Variants in KIFAP3 observed in about 807,000 individuals in gnomAD.
KIFAP3 encodes kinesin associated protein 3, also known as kinesin-associated protein 3.
In KIFAP3, 68 loss-of-function variants were observed where a neutral mutation model predicts 106.5. The ratio of observed to expected loss-of-function variants is 0.64; its 90% CI spans 0.53 to 0.78. The LOEUF (loss-of-function observed/expected upper bound fraction) is 0.78, where lower values mean the gene tolerates loss of function less well. Among genes scored for constraint, KIFAP3 ranks in the 30% least tolerant of loss-of-function variants. The pLI is 0.00. For synonymous variants in KIFAP3, 320 were observed against 311.5 expected, an observed-to-expected ratio of 1.03 and a Z score of -0.29; for missense variants, 780 against 941.8, an observed-to-expected ratio of 0.83 and a Z score of 2.25.
intron 19 of KIFAP3, among the ~76,000 whole-genome samples, chr1:169,938,446 G>A (rs1213866853): frequency 6.6e-6 from 1 of 151,962 alleles, no homozygotes; most frequent in Admixed American, 6.6e-5. Context: ...TAGATGGTAT[G>A]CATTGTACAT....
At chr1:169,961,967 C>T (rs1665361085) in intron 17 of KIFAP3, among the ~76,000 whole-genome samples, 1 of 152,008 alleles carries the variant, frequency 6.6e-6, no homozygotes, top group Admixed American at 6.6e-5. Flanking sequence ...GGGGATTGGT[C>T]CCCTAATACC....
At chr1:170,076,452 A>G (rs1671915602), upstream of KIFAP3, among the ~76,000 whole-genome samples, 2 of 152,176 alleles carry the variant, frequency 1.3e-5, no homozygotes, top group Admixed American at 6.5e-5. Context: ...ATTTGAGGCA[A>G]TTTGGGAATC....
intron 17 of KIFAP3, among the ~76,000 whole-genome samples, chr1:169,967,312 T>G (rs1185062015): frequency 6.6e-6 from 1 of 151,824 alleles, no homozygotes; most frequent in African/African-American, 2.4e-5. Flanking sequence ...AACTTTCCTT[T>G]TTTATTTTTT....
At chr1:170,061,726 T>C (rs7418815) in intron 1 of KIFAP3, among the ~76,000 whole-genome samples, 38,826 of 152,086 alleles carry the variant, frequency 0.26, 6,035 homozygotes, top group East Asian at 0.49. Flanking sequence ...ATATTTATTG[T>C]GGCACTATTC....
chr1:169,967,446 G>C (rs977799928), intron 17 of KIFAP3, among the ~76,000 whole-genome samples: 10 of 151,714 alleles, frequency 6.6e-5, no homozygotes, highest in African/African-American at 2.2e-4. Context: ...CCATGGCAAA[G>C]TGAGTTTCTT....
intron 19 of KIFAP3, among the ~76,000 whole-genome samples, chr1:169,933,556 G>A (rs1228816071): frequency 3.9e-5 from 6 of 152,016 alleles, no homozygotes; most frequent in Non-Finnish European, 5.9e-5. Context: ...ATAGGGCTAA[G>A]CATCCTTTGG....
chr1:170,035,054 A>G (rs1257607264), intron 6 of KIFAP3, among the ~76,000 whole-genome samples: 1 of 152,020 alleles, frequency 6.6e-6, no homozygotes, highest in African/African-American at 2.4e-5. Context: ...ATATATGTGT[A>G]TAAATAATAA....
rs1210456558 is a variant in KIFAP3 at position 170,034,385 on chromosome 1, CTTT to C, written c.726_728del (p.Lys246del). Reference sequence around the variant, plus strand: ...CTAAAAGGATATCAGCTTTCTTCTTCTTTGAGAGTTCTTCTTGCCAAAGCTCAT... The same window carrying C: ...CTAAAAGGATATCAGCTTTCTTCTTCGAGAGTTCTTCTTGCCAAAGCTCAT... On this transcript the variant is annotated inframe_deletion, in exon 7 of 20. Coordinates refer to ENST00000361580, the MANE Select transcript of KIFAP3 (RefSeq NM_014970.4). 8 of 1,605,690 alleles carry C rather than the reference CTTT, an allele frequency of 5.0e-6. No homozygotes were observed. The South Asian group carries it at 6.8e-5, about 14-fold the overall frequency.
At chr1:169,948,749 A>G (rs996484513) in intron 19 of KIFAP3, among the ~76,000 whole-genome samples, 9 of 152,018 alleles carry the variant, frequency 5.9e-5, no homozygotes, top group Admixed American at 3.9e-4. Flanking sequence ...TCTCAATATA[A>G]AAGAATTTTT....
intron 2 of KIFAP3, among the ~76,000 whole-genome samples, chr1:170,049,310 G>A (rs1046293720): frequency 6.6e-6 from 1 of 152,226 alleles, no homozygotes; most frequent in African/African-American, 2.4e-5. Flanking sequence ...AGAAGGAAAT[G>A]CAGCAGCCTT....
chr1:170,048,065 C>G (rs915939549), intron 2 of KIFAP3, among the ~76,000 whole-genome samples: 4 of 152,140 alleles, frequency 2.6e-5, no homozygotes, highest in Non-Finnish European at 4.4e-5. Context: ...AGAGCAATGT[C>G]CTGTAAGCTT....
At chr1:170,060,512 G>A (rs1671088051) in intron 1 of KIFAP3, among the ~76,000 whole-genome samples, 1 of 152,032 alleles carries the variant, frequency 6.6e-6, no homozygotes, top group African/African-American at 2.4e-5. Flanking sequence ...AAATAAAAGA[G>A]GACACAAACA....
chr1:170,002,051 C>G (rs1328834359), intron 10 of KIFAP3, among the ~76,000 whole-genome samples: 1 of 151,874 alleles, frequency 6.6e-6, no homozygotes, highest in Non-Finnish European at 1.5e-5. Flanking sequence ...AGGAAATAAC[C>G]CTTAGTTTTT....
intron 19 of KIFAP3, among the ~76,000 whole-genome samples, chr1:169,930,218 C>T (rs531799467): frequency 1.3e-5 from 2 of 152,202 alleles, no homozygotes; most frequent in African/African-American, 4.8e-5. Context: ...TTTATATAGT[C>T]TAATTGAGAT....
intron 18 of KIFAP3, among the ~76,000 whole-genome samples, chr1:169,959,491 C>T (rs1665201524): frequency 6.6e-6 from 1 of 152,014 alleles, no homozygotes; most frequent in Non-Finnish European, 1.5e-5. Context: ...ATATACATAA[C>T]TGTTTTCTCA....
intron 19 of KIFAP3, among the ~76,000 whole-genome samples, chr1:169,947,184 CA>C (rs1221534424): frequency 6.6e-6 from 1 of 151,886 alleles, no homozygotes; most frequent in Non-Finnish European, 1.5e-5. Context: ...CTACCTATGT[CA>C]TTTATTACTT....
intron 18 of KIFAP3, among the ~76,000 whole-genome samples, chr1:169,958,531 A>C (rs1451178621): frequency 6.6e-6 from 1 of 152,226 alleles, no homozygotes; most frequent in African/African-American, 2.4e-5. Context: ...TAAAATGATG[A>C]ATCTTATTAA....
At chr1:169,972,959 C>A (rs1266982512) in intron 16 of KIFAP3, among the ~76,000 whole-genome samples, 5 of 150,932 alleles carry the variant, frequency 3.3e-5, no homozygotes, top group African/African-American at 9.7e-5. Context: ...TCCTGCTCTC[C>A]TAAAAATTCA....
At chr1:169,999,686 C>T (rs1276019235) in intron 10 of KIFAP3, among the ~76,000 whole-genome samples, 4 of 152,168 alleles carry the variant, frequency 2.6e-5, no homozygotes, top group Non-Finnish European at 4.4e-5. Flanking sequence ...AGGATTTCCA[C>T]AGGAATTCAC....
Sources: gnomAD v4.1 joint callset for allele counts (sites outside exome capture counted in the v4.1 genomes callset) on GRCh38, gnomAD v4.1.1 for gene constraint, MANE v1.5 for transcripts, NCBI Gene and HGNC (gene_info 2026-07-23, HGNC 2026-07-21) for gene names.